Variants in IKBKB observed in about 807,000 individuals in gnomAD.
The protein encoded by IKBKB is inhibitor of nuclear factor kappa-B kinase subunit beta.
In IKBKB, 42 loss-of-function variants were observed where a neutral mutation model predicts 113.6. That is an observed-to-expected ratio of 0.37 (90% CI 0.29 to 0.48). IKBKB has a LOEUF of 0.48. Among genes scored for constraint, IKBKB ranks in the 20% least tolerant of loss-of-function variants. The pLI is 0.99. For missense variants in IKBKB, 673 were observed against 939.7 expected (o/e 0.72, Z 3.71); for synonymous variants, 296 against 361.3 (o/e 0.82, Z 2.05).
intron 7 of IKBKB, among the ~76,000 whole-genome samples, chr8:42,307,164 TG>T (rs1373261614): frequency 6.6e-5 from 10 of 152,224 alleles, no homozygotes; most frequent in Non-Finnish European, 8.8e-5. Context: ...CAGCCTGGTC[TG>T]GGACTTGAAG....
At position 42,317,919 on chromosome 8, in the gene IKBKB, A is replaced by G. The variant is rs138062869; in HGVS notation, c.1240+148A>G. ...CAGGGCAGCCTTCCTTATTTAGGAC[A>G]TGCAAGGAGTAGCCAGGCAAGAGAG... On this transcript the variant is annotated intron_variant, in intron 12 of 21. Coordinates refer to ENST00000520810, the MANE Select transcript of IKBKB (RefSeq NM_001556.3). 2.0e-4 allele frequency: 133 copies of G among 655,902 alleles called. 1 individual carries two copies. In the African/African-American group the frequency reaches 2.3e-3, roughly 11 times the overall value. The allele number at this position is 655,902 out of a possible 1,614,324, so 40.6% of individuals were successfully genotyped here.
Position 42,319,639 on chromosome 8 carries a change from G to T in IKBKB, c.1571G>T (p.Cys524Phe). The change falls in exon 15 of 22, where the codon TGT (cysteine) becomes TTT (phenylalanine). Residue 524 changes from cysteine (C) to phenylalanine (F), a missense_variant. By Grantham distance (205) the Cys-to-Phe change is radical. Transcript: ENST00000520810. ...WREMEQAVEL[C>F]GRENEVKLLV... is the part of the protein sequence containing the mutation. The stretch of plus-strand genomic sequence containing the variant: ...GAAATGGAGCAGGCTGTGGAGCTCT[G>T]TGGGCGGGTAGGAGACTCATTTTGG... The T allele has an allele frequency of 1.3e-6, 2 of 1,590,322 alleles. No individual in the cohort carries two copies. Among genetic ancestry groups the T allele is most frequent in the South Asian group, 1.2e-5 (1 of 86,448 alleles).
chr8:42,314,231 C>A, intron 8 of IKBKB, 91 bp from the exon 9 acceptor site: 1 of 909,952 alleles, frequency 1.1e-6, no homozygotes, highest in Non-Finnish European at 1.8e-6. Flanking sequence ...TATGTTCACA[C>A]AAGGACTAAA....
chr8:42,304,173 T>G (rs1485539135), intron 5 of IKBKB, among the ~76,000 whole-genome samples: 2 of 152,236 alleles, frequency 1.3e-5, no homozygotes, highest in African/African-American at 2.4e-5. Flanking sequence ...ACTGGCTAAA[T>G]TTTATCCAGT....
Position 42,316,286 on chromosome 8 carries a change from A to G in IKBKB, c.877A>G (p.Thr293Ala), listed in dbSNP as rs911625391. 1.9e-6 allele frequency: 3 copies of G among 1,614,150 alleles called. No homozygotes were observed. The highest frequency in any genetic ancestry group is 2.5e-6 in the Non-Finnish European group (3 of 1,180,024). ...WHPRQRGTDP[T>A]YGPNGCFKAL... ...CCCCCGACAGAGGGGCACGGATCCC[A>G]CGTATGGGCCCAATGGCTGCTTCAA... Residue 293 changes from threonine (T) to alanine (A), a missense_variant, in exon 10 of 22, where the codon ACG becomes GCG. Physicochemically the swap from Thr to Ala is moderately conservative, Grantham distance 58. Coordinates refer to ENST00000520810, the MANE Select transcript of IKBKB (RefSeq NM_001556.3). This position sits in a 1 kb window ranked among gnomAD's most constrained non-coding sequence, Gnocchi z 4.5.
rs187819170 is a variant in IKBKB, at chr8:42,332,453, C to G, written c.*1474C>G. Reference sequence around the variant, plus strand: ...TTAATAAAGCACAATTTTGGAAACCCTGGTAAATGACAGTGGGAAATAACA... The same window carrying G: ...TTAATAAAGCACAATTTTGGAAACCGTGGTAAATGACAGTGGGAAATAACA... On this transcript the variant is annotated 3_prime_UTR_variant, in exon 22 of 22. Transcript: ENST00000520810. The G allele has an allele frequency of 2.0e-3, 305 of 152,204 alleles. 1 individual carries two copies. Among genetic ancestry groups the G allele is most frequent in the African/African-American group, 7.1e-3 (294 of 41,544 alleles). The allele number at this position is 152,204 out of a possible 1,614,324, so 9.4% of individuals were successfully genotyped here.
intron 5 of IKBKB, among the ~76,000 whole-genome samples, chr8:42,299,883 C>T (rs989492496): frequency 2.6e-5 from 4 of 152,332 alleles, no homozygotes; most frequent in South Asian, 4.1e-4. Context: ...CTCATTTGCT[C>T]CTTTGACGCT....
intron 2 of IKBKB, among the ~76,000 whole-genome samples, chr8:42,286,081 T>C (rs1296980466): frequency 6.6e-6 from 1 of 152,130 alleles, no homozygotes; most frequent in Non-Finnish European, 1.5e-5. Context: ...TTATTCTCAA[T>C]AGAGCTGTTA....
intron 9 of IKBKB, among the ~76,000 whole-genome samples, chr8:42,315,959 G>A (rs944215876): frequency 1.7e-4 from 26 of 152,150 alleles, no homozygotes; most frequent in African/African-American, 5.3e-4. Context: ...CACTGTGCCC[G>A]GCTCTCATGG....
In IKBKB at chr8:42,332,456, G is replaced by A. The variant is rs199654574; in HGVS notation, c.*1477G>A. 6.6e-6 allele frequency: 1 copy of A among 152,092 alleles called. No individual in the cohort carries two copies. Among genetic ancestry groups the A allele is most frequent in the Non-Finnish European group, 1.5e-5 (1 of 68,018 alleles). The allele number at this position is 152,092 out of a possible 1,614,324, so 9.4% of individuals were successfully genotyped here. ...ATAAAGCACAATTTTGGAAACCCTG[G>A]TAAATGACAGTGGGAAATAACACCC... On this transcript the variant is annotated 3_prime_UTR_variant, in exon 22 of 22. Coordinates refer to ENST00000520810, the MANE Select transcript of IKBKB (RefSeq NM_001556.3).
Position 42,321,851 on chromosome 8 carries a change from C to G in IKBKB, c.1689-45C>G, listed in dbSNP as rs758682531. 7.1e-6 allele frequency: 10 copies of G among 1,413,050 alleles called. No individual in the cohort carries two copies. In the Admixed American group the frequency reaches 2.1e-4, roughly 30 times the overall value. 87.5% of individuals were successfully genotyped at this position (1,413,050 alleles called of 1,614,324 possible). On this transcript the variant is annotated intron_variant, in intron 16 of 21. Coordinates refer to ENST00000520810, the MANE Select transcript of IKBKB (RefSeq NM_001556.3). ...CTACCAAAAAAATGTAAAAATTAGC[C>G]ATATTTGACCTCAAGTCTAGACAGA...
chr8:42,295,277 C>A (rs951606920), intron 5 of IKBKB, among the ~76,000 whole-genome samples: 1 of 152,050 alleles, frequency 6.6e-6, no homozygotes, highest in African/African-American at 2.4e-5. Context: ...CACCACCACA[C>A]CTGGCTAATT....
At chr8:42,303,574 G>A (rs201314085) in intron 5 of IKBKB, among the ~76,000 whole-genome samples, 1 of 151,324 alleles carries the variant, frequency 6.6e-6, no homozygotes, top group South Asian at 2.1e-4. Context: ...CCATGATCTC[G>A]GCTCACTGCA....
rs183684393 is a variant in IKBKB at position 42,304,213 on chromosome 8, T to C, written c.389-974T>C. On this transcript the variant is annotated intron_variant, in intron 5 of 21. Coordinates refer to ENST00000520810, the MANE Select transcript of IKBKB (RefSeq NM_001556.3). ...AGTCTGTTGAGCTCTCTAGGCTACA[T>C]CTCCAAATCTATCTCCATCTCTAGT... 1.8e-4 allele frequency among the ~76,000 whole-genome samples: 28 copies of C among 152,350 alleles called. No homozygotes were observed. In the East Asian group the frequency reaches 4.8e-3, roughly 26 times the overall value.
intron 5 of IKBKB, among the ~76,000 whole-genome samples, chr8:42,296,832 G>A (rs916726243): frequency 5.3e-5 from 8 of 151,984 alleles, no homozygotes; most frequent in Admixed American, 6.5e-5. Context: ...TTTTATTAGC[G>A]GTAAAATGGG....
In IKBKB at chr8:42,320,797, A is replaced by T; in HGVS notation, c.1641A>T (p.Leu547Phe). The change falls in exon 16 of 22, where the codon TTA (leucine) becomes TTT (phenylalanine). Residue 547 changes from leucine (L) to phenylalanine (F), a missense_variant. This residue lies in a region of IKBKB where 506 missense variants were observed against 638.7 expected (regional missense o/e 0.79). Coordinates refer to ENST00000520810, the MANE Select transcript of IKBKB (RefSeq NM_001556.3). The part of the protein sequence containing the change: ...MMALQTDIVD[L>F]QRSPMGRKQG... Reference sequence around the variant, plus strand: ...CTCTGCAGACCGACATTGTGGACTTACAGAGGAGCCCCATGGGCCGGAAGC... The same window carrying T: ...CTCTGCAGACCGACATTGTGGACTTTCAGAGGAGCCCCATGGGCCGGAAGC... 6.2e-7 allele frequency: 1 copy of T among 1,609,490 alleles called. No homozygotes were observed. Among genetic ancestry groups the T allele is most frequent in the Non-Finnish European group, 8.5e-7 (1 of 1,177,808 alleles).
intron 4 of IKBKB, 32 bp downstream of exon 4, chr8:42,290,305 C>G: frequency 2.0e-6 from 3 of 1,473,332 alleles, no homozygotes; most frequent in Non-Finnish European, 2.8e-6. Flanking sequence ...GGTGCACAGC[C>G]TGTCTGGGCA....
At chr8:42,304,135 CT>C (rs1251253552) in intron 5 of IKBKB, among the ~76,000 whole-genome samples, 8 of 152,130 alleles carry the variant, frequency 5.3e-5, no homozygotes, top group Non-Finnish European at 1.0e-4. Flanking sequence ...AAGCTATTGA[CT>C]TGTGTATTCT....
chr8:42,305,886 C>G lies in IKBKB; in HGVS notation c.478-457C>G, dbSNP rs573299135. 2.0e-5 allele frequency among the ~76,000 whole-genome samples: 3 copies of G among 152,384 alleles called. No individual in the cohort carries two copies. In the South Asian group the frequency reaches 6.2e-4, roughly 32 times the overall value. ...AATGAGTTCTTAGATCACCTAATCC[C>G]TTCCCATACAGCTGCCCTTAGCACC... On this transcript the variant is annotated intron_variant, in intron 6 of 21. Transcript: ENST00000520810.
Sources: gnomAD v4.1 joint callset for allele counts (sites outside exome capture counted in the v4.1 genomes callset) on GRCh38, gnomAD v4.1.1 for gene constraint, gnomAD v4.1.1 regional missense constraint, Gnocchi (gnomAD v3.1) non-coding constraint, MANE v1.5 for transcripts, NCBI Gene and HGNC (gene_info 2026-07-23, HGNC 2026-07-21) for gene names.